ASB18: variants seen among roughly 807,000 people sequenced by gnomAD.
ASB18 encodes the protein ankyrin repeat and SOCS box protein 18.
ASB18 carries 33 observed loss-of-function variants against 33.4 expected under a neutral mutation model. The ratio of observed to expected loss-of-function variants is 0.99; its 90% CI spans 0.75 to 1.32. The LOEUF (loss-of-function observed/expected upper bound fraction) is 1.32. Among genes scored for constraint, ASB18 ranks in the 40% most tolerant of loss-of-function variants. The pLI, the probability that ASB18 is intolerant of heterozygous loss-of-function variation, is 0.00. For missense variants in ASB18, 694 were observed against 655.5 expected, an observed-to-expected ratio of 1.06 and a Z score of -0.64; for synonymous variants, 295 against 307.6, an observed-to-expected ratio of 0.96 and a Z score of 0.43.
At position 236,200,328 on chromosome 2, in the gene ASB18, G is replaced by A. The variant is rs967090565; in HGVS notation, c.1102-3943C>T. Among the ~76,000 whole-genome samples, 7 of 152,220 alleles carry A rather than the reference G, an allele frequency of 4.6e-5. No individual in the cohort carries two copies. Among genetic ancestry groups the A allele is most frequent in the East Asian group, 1.9e-4 (1 of 5,182 alleles). On this transcript the variant is annotated intron_variant, in intron 4 of 5. Coordinates refer to ENST00000409749, the MANE Select transcript of ASB18 (RefSeq NM_212556.4). This position sits in a 1 kb window ranked among gnomAD's most constrained non-coding sequence, Gnocchi z 4.2. ...CATGCCACTGCACTCCAGCCTGGGC[G>A]ACAGAGCAAGACTCCGTCTAAAAAA...
intron 4 of ASB18, among the ~76,000 whole-genome samples, chr2:236,212,202 G>A (rs1164634433): frequency 6.6e-6 from 1 of 152,162 alleles, no homozygotes; most frequent in Admixed American, 6.5e-5. Context: ...AACCTGAATG[G>A]AGGATGAGTT....
In ASB18 at chr2:236,235,470, A is replaced by AT. The variant is rs1299854925; in HGVS notation, c.596+2218dup. 6.6e-6 allele frequency among the ~76,000 whole-genome samples: 1 copy of AT among 152,244 alleles called. No individual in the cohort carries two copies. Among genetic ancestry groups the AT allele is most frequent in the Non-Finnish European group, 1.5e-5 (1 of 68,040 alleles). On this transcript the variant is annotated intron_variant, in intron 3 of 5. Coordinates refer to ENST00000409749, the MANE Select transcript of ASB18 (RefSeq NM_212556.4). This position sits in a 1 kb window ranked among gnomAD's most constrained non-coding sequence, Gnocchi z 6.2. ...ATGTATCCCCATCGTTAAGCGACAA[A>AT]TGACTGTATGTGGATGGCAAGTAAG... is the stretch of plus-strand genomic sequence containing the variant.
Position 236,195,520 on chromosome 2 carries a change from C to CTTT in ASB18, c.1216-466_1216-464dup, listed in dbSNP as rs397827646. 1.4e-5 allele frequency among the ~76,000 whole-genome samples: 2 copies of CTTT among 144,766 alleles called. No individual in the cohort carries two copies. The highest frequency in any genetic ancestry group is 2.5e-5 in the African/African-American group (1 of 39,490). The allele number at this position is 144,766 out of a possible 152,430, so 95.0% of individuals were successfully genotyped here. On this transcript the variant is annotated intron_variant, in intron 5 of 5. Coordinates refer to ENST00000409749, the MANE Select transcript of ASB18 (RefSeq NM_212556.4). This position sits in a 1 kb window ranked among gnomAD's most constrained non-coding sequence, Gnocchi z 5.5. ...AAACACACACAACTCTTCTCACTCTCTTTTTTTTTTTTTGAGATGGAGTCT... is the reference window on the plus strand; with the variant it reads ...AAACACACACAACTCTTCTCACTCTCTTTTTTTTTTTTTTTTGAGATGGAGTCT...
At chr2:236,199,164 C>A (rs1000219741) in intron 4 of ASB18, among the ~76,000 whole-genome samples, 1 of 152,128 alleles carries the variant, frequency 6.6e-6, no homozygotes, top group African/African-American at 2.4e-5. Flanking sequence ...GTAATCCCAG[C>A]CCTTTGAGAG....
At chr2:236,233,008 A>G (rs2060573570) in intron 3 of ASB18, among the ~76,000 whole-genome samples, 1 of 152,106 alleles carries the variant, frequency 6.6e-6, no homozygotes, top group Non-Finnish European at 1.5e-5. Context: ...CTACAGACCA[A>G]TATCTTTCAT....
At chr2:236,199,255 T>C (rs2060387731) in intron 4 of ASB18, among the ~76,000 whole-genome samples, 2 of 151,722 alleles carry the variant, frequency 1.3e-5, no homozygotes, top group South Asian at 4.2e-4. Context: ...CTACTAAAAA[T>C]ACAAAAATTA....
In ASB18 at chr2:236,241,012, A is replaced by G. The variant is rs963606078; in HGVS notation, c.328+268T>C. 1.3e-5 allele frequency among the ~76,000 whole-genome samples: 2 copies of G among 151,986 alleles called. No individual in the cohort carries two copies. The highest frequency in any genetic ancestry group is 2.4e-5 in the African/African-American group (1 of 41,376). Reference sequence around the variant, plus strand: ...GCACGGGCAGCTCCACACCTAAACCAATGCTCCTTTGTAAAGACAAGAGGC... The same window carrying G: ...GCACGGGCAGCTCCACACCTAAACCGATGCTCCTTTGTAAAGACAAGAGGC... On this transcript the variant is annotated intron_variant, in intron 2 of 5. Transcript: ENST00000409749. The surrounding 1 kb of genome is among the most constrained non-coding windows in gnomAD (Gnocchi z 4.2).
Position 236,257,305 on chromosome 2 carries a change from G to A in ASB18, c.205+6836C>T, listed in dbSNP as rs533960676. Among the ~76,000 whole-genome samples, 1 of 152,300 alleles carries A rather than the reference G, an allele frequency of 6.6e-6. No homozygotes were observed. The highest frequency in any genetic ancestry group is 2.1e-4 in the South Asian group (1 of 4,828). ...ACTTAGAAAGGTTTAATTTCATTTTGCTTCGAGCAGGGTCTCCCTGCCCCC... is the reference window on the plus strand; with the variant it reads ...ACTTAGAAAGGTTTAATTTCATTTTACTTCGAGCAGGGTCTCCCTGCCCCC... On this transcript the variant is annotated intron_variant, in intron 1 of 5. Transcript: ENST00000409749. The surrounding 1 kb of genome is among the most constrained non-coding windows in gnomAD (Gnocchi z 5.5).
rs1385949775 is a variant in ASB18 at position 236,238,745 on chromosome 2, G to C, written c.329-789C>G. Among the ~76,000 whole-genome samples the C allele has an allele frequency of 6.6e-6, 1 of 152,106 alleles. No individual in the cohort carries two copies. Among genetic ancestry groups the C allele is most frequent in the Non-Finnish European group, 1.5e-5 (1 of 68,014 alleles). On this transcript the variant is annotated intron_variant, in intron 2 of 5. Coordinates refer to ENST00000409749, the MANE Select transcript of ASB18 (RefSeq NM_212556.4). This position sits in a 1 kb window ranked among gnomAD's most constrained non-coding sequence, Gnocchi z 5.2. ...AGGTTGTTAGCGGCCAGGAGCGCTC[G>C]TGGAAATGGGGGATGTAGTCCCTGG...
At chr2:236,258,145 CTGAAACTCACCA>C (rs1343625881) in intron 1 of ASB18, among the ~76,000 whole-genome samples, 2 of 152,230 alleles carry the variant, frequency 1.3e-5, no homozygotes, top group Non-Finnish European at 2.9e-5. Flanking sequence ...CCTACTTGAC[CTGAAACTCACCA>C]CTGGAGGCCT....
rs1265140041 is a variant in ASB18 at position 236,263,934 on chromosome 2, T to C, written c.205+207A>G. ...CACTGTGGTAGGATTAGTTTTTTTG[T>C]GTTGTGTTGCACTTGTTGCTTATGT... On this transcript the variant is annotated intron_variant, in intron 1 of 5. Transcript: ENST00000409749. This position sits in a 1 kb window ranked among gnomAD's most constrained non-coding sequence, Gnocchi z 4.0. Among the ~76,000 whole-genome samples, 1 of 152,198 alleles carries C rather than the reference T, an allele frequency of 6.6e-6. No individual in the cohort carries two copies. The highest frequency in any genetic ancestry group is 1.5e-5 in the Non-Finnish European group (1 of 68,044).
intron 4 of ASB18, among the ~76,000 whole-genome samples, chr2:236,197,692 C>T (rs1022107749): frequency 6.6e-6 from 1 of 152,160 alleles, no homozygotes; most frequent in Non-Finnish European, 1.5e-5. Context: ...CGTGGTGGCA[C>T]ATGCCTGTAA....
Position 236,248,135 on chromosome 2 carries a change from G to A in ASB18, c.206-6733C>T, listed in dbSNP as rs1272869369. 3 of 152,164 alleles carry A rather than the reference G, an allele frequency of 2.0e-5. No homozygotes were observed. Among genetic ancestry groups the A allele is most frequent in the African/African-American group, 7.2e-5 (3 of 41,430 alleles). The allele number at this position is 152,164 out of a possible 1,614,324, so 9.4% of individuals were successfully genotyped here. ...TTAGGAAACTCTGGCTAAATAATGT[G>A]AACTGGAGAAATAATACACGTGATG... On this transcript the variant is annotated intron_variant, in intron 1 of 5. Coordinates refer to ENST00000409749, the MANE Select transcript of ASB18 (RefSeq NM_212556.4). This position sits in a 1 kb window ranked among gnomAD's most constrained non-coding sequence, Gnocchi z 4.9.
chr2:236,229,548 A>G lies in ASB18; in HGVS notation c.596+8141T>C, dbSNP rs930722339. On this transcript the variant is annotated intron_variant, in intron 3 of 5. Coordinates refer to ENST00000409749, the MANE Select transcript of ASB18 (RefSeq NM_212556.4). The surrounding 1 kb of genome is among the most constrained non-coding windows in gnomAD (Gnocchi z 5.2). Reference sequence around the variant, plus strand: ...TCAATGAATCCCAAGCATAAGAAACATAAAGAAAACTTGCCTGGCATGGTG... The same window carrying G: ...TCAATGAATCCCAAGCATAAGAAACGTAAAGAAAACTTGCCTGGCATGGTG... Among the ~76,000 whole-genome samples, 2 of 152,192 alleles carry G rather than the reference A, an allele frequency of 1.3e-5. No individual in the cohort carries two copies. The highest frequency in any genetic ancestry group is 4.8e-5 in the African/African-American group (2 of 41,446).
rs995508865 is a variant in ASB18, at chr2:236,255,845, C to T, written c.205+8296G>A. Among the ~76,000 whole-genome samples the T allele has an allele frequency of 6.6e-6, 1 of 152,132 alleles. No individual in the cohort carries two copies. Among genetic ancestry groups the T allele is most frequent in the Non-Finnish European group, 1.5e-5 (1 of 68,026 alleles). On this transcript the variant is annotated intron_variant, in intron 1 of 5. Coordinates refer to ENST00000409749, the MANE Select transcript of ASB18 (RefSeq NM_212556.4). This position sits in a 1 kb window ranked among gnomAD's most constrained non-coding sequence, Gnocchi z 4.4. ...AGTTGTGTCCCACTTCCCTGTCCCACGTGCCATGCCTTGGGTGCACTACGT... is the reference window on the plus strand; with the variant it reads ...AGTTGTGTCCCACTTCCCTGTCCCATGTGCCATGCCTTGGGTGCACTACGT...
rs1399998862 is a variant in ASB18, at chr2:236,237,722, GGCGCCA to G, written c.557_562del (p.Leu186_Ala187del). ...GGCGGCCGTGCGGCAGAGGTGCAGA[GGCGCCA>G]GGCCCTCGGCGCTGAGCAGGTCGGG... On this transcript the variant is annotated inframe_deletion, in exon 3 of 6. Transcript: ENST00000409749. The surrounding 1 kb of genome is among the most constrained non-coding windows in gnomAD (Gnocchi z 6.2). 6.8e-7 allele frequency: 1 copy of G among 1,460,958 alleles called. No homozygotes were observed. Among genetic ancestry groups the G allele is most frequent in the Non-Finnish European group, 9.0e-7 (1 of 1,112,610 alleles). 90.5% of individuals were successfully genotyped at this position (1,460,958 alleles called of 1,614,324 possible).
In ASB18 at chr2:236,255,269, G is replaced by T. The variant is rs377178753; in HGVS notation, c.205+8872C>A. On this transcript the variant is annotated intron_variant, in intron 1 of 5. Transcript: ENST00000409749. The surrounding 1 kb of genome is among the most constrained non-coding windows in gnomAD (Gnocchi z 4.4). ...AGCGATTCTCCTGCCTCAGCCTCTT[G>T]AGTAGCTGAAATTACAGGCGCCCAC... Among the ~76,000 whole-genome samples, 18 of 151,954 alleles carry T rather than the reference G, an allele frequency of 1.2e-4. No individual in the cohort carries two copies. The highest frequency in any genetic ancestry group is 2.9e-4 in the African/African-American group (12 of 41,436).
At position 236,208,272 on chromosome 2, in the gene ASB18, C is replaced by T. The variant is rs576698762; in HGVS notation, c.1101+6090G>A. On this transcript the variant is annotated intron_variant, in intron 4 of 5. Transcript: ENST00000409749. This position sits in a 1 kb window ranked among gnomAD's most constrained non-coding sequence, Gnocchi z 7.7. ...ATCTCGCCAGCCCTGTCCCTCTCTG[C>T]GCCCCACACATGTTGATATTTCTGG... Among the ~76,000 whole-genome samples, 22 of 152,256 alleles carry T rather than the reference C, an allele frequency of 1.4e-4. No homozygotes were observed. The highest frequency in any genetic ancestry group is 3.4e-4 in the African/African-American group (14 of 41,564).
Position 236,252,381 on chromosome 2 carries a change from G to A in ASB18, c.206-10979C>T, listed in dbSNP as rs1177854750. On this transcript the variant is annotated intron_variant, in intron 1 of 5. Transcript: ENST00000409749. This position sits in a 1 kb window ranked among gnomAD's most constrained non-coding sequence, Gnocchi z 7.9. ...GACGTGGCCACCATCAACTAGCGGT[G>A]GAATCAGATCACTGCTATATGGAGG... Among the ~76,000 whole-genome samples the A allele has an allele frequency of 6.6e-6, 1 of 151,822 alleles. No individual in the cohort carries two copies. Among genetic ancestry groups the A allele is most frequent in the Non-Finnish European group, 1.5e-5 (1 of 67,956 alleles).
Sources: allele counts gnomAD v4.1 joint callset (sites outside exome capture counted in the v4.1 genomes callset), GRCh38; gene constraint gnomAD v4.1.1; non-coding constraint Gnocchi (gnomAD v3.1); transcripts MANE v1.5; gene names NCBI Gene and HGNC (gene_info 2026-07-23, HGNC 2026-07-21).